Variants in IMMP2L observed in about 807,000 individuals in gnomAD.
IMMP2L encodes the protein inner mitochondrial membrane peptidase subunit 2.
In IMMP2L, 18 loss-of-function variants were observed where a neutral mutation model predicts 19.3. That is an observed-to-expected ratio of 0.93 (90% CI 0.64 to 1.38). The LOEUF is 1.38. IMMP2L is among the 40% of genes most tolerant of loss of function. IMMP2L has a pLI of 0.00. For synonymous variants in IMMP2L, 76 were observed against 73.0 expected (o/e 1.04, Z -0.21); for missense variants, 233 against 218.2 (o/e 1.07, Z -0.43).
intron 3 of IMMP2L, among the ~76,000 whole-genome samples, chr7:111,338,227 T>C (rs1447998315): frequency 6.6e-6 from 1 of 152,144 alleles, no homozygotes; most frequent in Non-Finnish European, 1.5e-5. Flanking sequence ...GGAGAGTGTT[T>C]GTAGGAAAGA....
intron 5 of IMMP2L, among the ~76,000 whole-genome samples, chr7:110,687,744 G>A (rs1793217535): frequency 6.6e-6 from 1 of 151,998 alleles, no homozygotes; most frequent in Non-Finnish European, 1.5e-5. Flanking sequence ...ATGTCAATAA[G>A]CTATCTGTGG....
At chr7:111,131,359 C>T (rs558281238) in intron 3 of IMMP2L, among the ~76,000 whole-genome samples, 3 of 151,666 alleles carry the variant, frequency 2.0e-5, no homozygotes, top group Non-Finnish European at 2.9e-5. Flanking sequence ...ATTCTGTTGA[C>T]GCATGCATAG....
At position 110,809,584 on chromosome 7, in the gene IMMP2L, G is replaced by T. The variant is rs111312193; in HGVS notation, c.408+77009C>A. On this transcript the variant is annotated intron_variant, in intron 5 of 5. Transcript: ENST00000405709. ...GTTACATACTGTATTAATAACAAACGGGCCAGACCAAAAGGTAATATTACT... is the reference window on the plus strand; with the variant it reads ...GTTACATACTGTATTAATAACAAACTGGCCAGACCAAAAGGTAATATTACT... Among the ~76,000 whole-genome samples, 443 of 151,664 alleles carry T rather than the reference G, an allele frequency of 2.9e-3. 2 individuals carry two copies. The highest frequency in any genetic ancestry group is 0.01 in the African/African-American group (422 of 41,366).
chr7:111,465,255 T>G (rs986574381), intron 3 of IMMP2L, among the ~76,000 whole-genome samples: 2 of 152,070 alleles, frequency 1.3e-5, no homozygotes, highest in Admixed American at 6.6e-5. Context: ...TTGATAATTC[T>G]GCTCTCAGTC....
At chr7:111,149,238 A>G (rs1014434051) in intron 3 of IMMP2L, among the ~76,000 whole-genome samples, 3 of 152,168 alleles carry the variant, frequency 2.0e-5, no homozygotes, top group Non-Finnish European at 4.4e-5. Flanking sequence ...AGAAGTCAAA[A>G]GAAAGAAGAT....
intron 1 of IMMP2L, among the ~76,000 whole-genome samples, chr7:111,558,730 A>G (rs2396394): frequency 0.78 from 118,249 of 152,046 alleles, 47,718 homozygotes; most frequent in East Asian, 0.97. Flanking sequence ...CTAATATATA[A>G]TAAGCACACA....
intron 3 of IMMP2L, among the ~76,000 whole-genome samples, chr7:111,041,076 G>T (rs1791849597): frequency 6.6e-6 from 1 of 151,990 alleles, no homozygotes; most frequent in Non-Finnish European, 1.5e-5. Flanking sequence ...ATTTTGGTAT[G>T]ATAATCTTCT....
rs148035175 is a variant in IMMP2L, at chr7:111,393,553, G to C, written c.239+93685C>G. Among the ~76,000 whole-genome samples, 127 of 152,216 alleles carry C rather than the reference G, an allele frequency of 8.3e-4. 1 individual carries two copies. The highest frequency in any genetic ancestry group is 2.9e-3 in the African/African-American group (120 of 41,556). On this transcript the variant is annotated intron_variant, in intron 3 of 5. Transcript: ENST00000405709. ...TGCAGTCTGTAAACTCTGCATGCTA[G>C]GAAGAGCTATTTAATCTTGCTCCTG...
intron 1 of IMMP2L, among the ~76,000 whole-genome samples, chr7:111,538,838 AG>A (rs1224292991): frequency 7.0e-6 from 1 of 143,822 alleles, no homozygotes; most frequent in African/African-American, 2.6e-5. Context: ...AAAAAAAAAA[AG>A]GCTGGGCACA....
intron 5 of IMMP2L, among the ~76,000 whole-genome samples, chr7:110,816,441 T>C (rs1802524145): frequency 6.7e-6 from 1 of 148,380 alleles, no homozygotes; most frequent in Non-Finnish European, 1.5e-5. Context: ...ATGTATATTC[T>C]GTTGATTTGG....
At chr7:110,930,712 A>G (rs1169514303) in intron 4 of IMMP2L, among the ~76,000 whole-genome samples, 1 of 152,202 alleles carries the variant, frequency 6.6e-6, no homozygotes, top group African/African-American at 2.4e-5. Flanking sequence ...TTGCCATCAC[A>G]TCACTGTAAC....
chr7:111,519,530 G>C (rs1024646836), intron 2 of IMMP2L, among the ~76,000 whole-genome samples: 1 of 152,038 alleles, frequency 6.6e-6, no homozygotes, highest in Non-Finnish European at 1.5e-5. Flanking sequence ...ATGCAAACCT[G>C]GGTTTAATCC....
intron 3 of IMMP2L, among the ~76,000 whole-genome samples, chr7:111,135,829 A>G (rs2129595743): frequency 6.6e-6 from 1 of 152,008 alleles, no homozygotes; most frequent in African/African-American, 2.4e-5. Context: ...TTATCTCTTG[A>G]CTCCACTATT....
At chr7:111,391,321 T>C (rs1584923093) in intron 3 of IMMP2L, among the ~76,000 whole-genome samples, 1 of 152,252 alleles carries the variant, frequency 6.6e-6, no homozygotes, top group East Asian at 1.9e-4. Context: ...CTGCTCTTCT[T>C]CCCACCCCTG....
chr7:111,537,963 T>C (rs1848045343), intron 1 of IMMP2L, among the ~76,000 whole-genome samples: 1 of 152,046 alleles, frequency 6.6e-6, no homozygotes, highest in African/African-American at 2.4e-5. Context: ...TCTTCCCACC[T>C]TTCTTTGTTT....
chr7:111,332,997 G>A (rs985737142), intron 3 of IMMP2L, among the ~76,000 whole-genome samples: 2 of 152,032 alleles, frequency 1.3e-5, no homozygotes, highest in African/African-American at 4.8e-5. Flanking sequence ...GTATTACCAT[G>A]CCCTCTGATT....
intron 4 of IMMP2L, chr7:110,962,783 A>G: frequency 8.7e-7 from 1 of 1,153,626 alleles, no homozygotes; most frequent in Non-Finnish European, 1.1e-6. Flanking sequence ...TTTAGGATCA[A>G]GTTTTTTTAG....
rs1464484147 is a variant in IMMP2L, at chr7:110,757,060, A to G, written c.409-93339T>C. ...AGATACTGAAATTCCTGCCCTGGGG[A>G]GCTTAAATTCAAGTGGGTCAGATAA... On this transcript the variant is annotated intron_variant, in intron 5 of 5. Coordinates refer to ENST00000405709, the MANE Select transcript of IMMP2L (RefSeq NM_032549.4). The surrounding 1 kb of genome is among the most constrained non-coding windows in gnomAD (Gnocchi z 4.2). Among the ~76,000 whole-genome samples, 1 of 152,030 alleles carries G rather than the reference A, an allele frequency of 6.6e-6. No homozygotes were observed. Among genetic ancestry groups the G allele is most frequent in the Non-Finnish European group, 1.5e-5 (1 of 68,014 alleles).
intron 3 of IMMP2L, chr7:111,391,951 T>C: frequency 1.4e-6 from 1 of 703,144 alleles, no homozygotes; most frequent in Admixed American, 2.0e-5. Flanking sequence ...TCTTCAATCT[T>C]AGGCTAACTC....
Sources: gnomAD v4.1 joint callset for allele counts (sites outside exome capture counted in the v4.1 genomes callset) on GRCh38, gnomAD v4.1.1 for gene constraint, Gnocchi (gnomAD v3.1) non-coding constraint, MANE v1.5 for transcripts, NCBI Gene and HGNC (gene_info 2026-07-23, HGNC 2026-07-21) for gene names.